The following SLC36A1 variants were observed in gnomAD, a reference collection of about 807,000 sequenced individuals.
The protein encoded by SLC36A1 is proton-coupled amino acid transporter 1.
SLC36A1 carries 30 observed loss-of-function variants against 47.5 expected under a neutral mutation model. The ratio of observed to expected loss-of-function variants is 0.63; its 90% CI spans 0.47 to 0.86. SLC36A1 has a LOEUF of 0.86. Among genes scored for constraint, SLC36A1 ranks in the 40% least tolerant of loss-of-function variants. SLC36A1 has a pLI of 0.00. For synonymous variants in SLC36A1, 255 were observed against 249.7 expected (o/e 1.02, Z -0.20); for missense variants, 517 against 606.0 (o/e 0.85, Z 1.54).
chr5:151,509,069 C>T, the SLC36A1 span, among the ~76,000 whole-genome samples: 2 of 152,178 alleles, frequency 1.3e-5, no homozygotes, highest in African/African-American at 4.8e-5. Flanking sequence ...GCAACTGCCA[C>T]AGCCCCACAC....
chr5:151,406,495 C>G, the SLC36A1 span: 1 of 152,222 alleles, frequency 6.6e-6, no homozygotes, highest in African/African-American at 2.4e-5. Flanking sequence ...AGACAGTTGT[C>G]CCAAAGAACA....
At chr5:151,400,678 T>C in the SLC36A1 span, among the ~76,000 whole-genome samples, 1 of 151,874 alleles carries the variant, frequency 6.6e-6, no homozygotes, top group Non-Finnish European at 1.5e-5. Flanking sequence ...GTTTTTTGTT[T>C]TGTTTTGTTT....
At chr5:151,552,529 A>G in the SLC36A1 span, among the ~76,000 whole-genome samples, 9 of 152,300 alleles carry the variant, frequency 5.9e-5, no homozygotes, top group African/African-American at 2.2e-4. Context: ...ATGGGTTTCA[A>G]AGGGCCTATA....
At chr5:151,360,096 A>T in the SLC36A1 span, among the ~76,000 whole-genome samples, 1 of 152,138 alleles carries the variant, frequency 6.6e-6, no homozygotes, top group Non-Finnish European at 1.5e-5. Context: ...TCTTTTTAAA[A>T]TTTTATTTTT....
upstream of SLC36A1, among the ~76,000 whole-genome samples, chr5:151,445,004 G>A (rs562962576): frequency 6.6e-6 from 1 of 152,118 alleles, no homozygotes; most frequent in South Asian, 2.1e-4. Flanking sequence ...AGTGGTGAGG[G>A]TGGGTATCCT....
the SLC36A1 span, chr5:151,387,033 A>C: frequency 6.6e-6 from 1 of 152,378 alleles, no homozygotes; most frequent in Non-Finnish European, 1.5e-5. Context: ...AGGGACAGAA[A>C]AGAAGCAAAT....
At chr5:151,553,728 A>T in the SLC36A1 span, among the ~76,000 whole-genome samples, 1 of 152,192 alleles carries the variant, frequency 6.6e-6, no homozygotes, top group African/African-American at 2.4e-5. Context: ...CATAAACCTA[A>T]CAAGCTAGAA....
chr5:151,420,083 G>A, the SLC36A1 span: 7 of 152,354 alleles, frequency 4.6e-5, no homozygotes, highest in Admixed American at 2.0e-4. Context: ...ATGGAAAGAT[G>A]TATAGTAGGA....
At chr5:151,348,828 T>C in the SLC36A1 span, among the ~76,000 whole-genome samples, 1 of 151,940 alleles carries the variant, frequency 6.6e-6, no homozygotes, top group Non-Finnish European at 1.5e-5. Context: ...GCTAGCCAGG[T>C]TTTTTTTGGT....
the SLC36A1 span, among the ~76,000 whole-genome samples, chr5:151,520,510 G>A: frequency 1.2e-4 from 18 of 152,174 alleles, no homozygotes; most frequent in African/African-American, 2.4e-4. Context: ...AGAGTGTGGC[G>A]TACAGCAGGC....
the SLC36A1 span, among the ~76,000 whole-genome samples, chr5:151,424,064 A>G: frequency 1.3e-5 from 2 of 152,252 alleles, no homozygotes. Context: ...GTACAAATGT[A>G]CAAGTCGCCT....
chr5:151,466,468 T>C (rs1328526527), intron 5 of SLC36A1, among the ~76,000 whole-genome samples: 1 of 152,222 alleles, frequency 6.6e-6, no homozygotes, highest in Non-Finnish European at 1.5e-5. Context: ...ACATAGAGAT[T>C]TAACACATTC....
At chr5:151,456,604 C>T (rs975369043) in intron 1 of SLC36A1, among the ~76,000 whole-genome samples, 10 of 151,986 alleles carry the variant, frequency 6.6e-5, no homozygotes, top group Admixed American at 1.3e-4. Context: ...AGCTGGTTGG[C>T]GTCCTTGAAT....
downstream of SLC36A1, among the ~76,000 whole-genome samples, chr5:151,493,100 A>C (rs1760235711): frequency 6.6e-6 from 1 of 152,260 alleles, no homozygotes; most frequent in Middle Eastern, 3.4e-3. Context: ...ATTTTCTTGA[A>C]ATGTGGAGAT....
At chr5:151,531,381 T>C in the SLC36A1 span, among the ~76,000 whole-genome samples, 7,442 of 151,784 alleles carry the variant, frequency 0.049, 260 homozygotes, top group African/African-American at 0.1. This position sits in a 1 kb window ranked among gnomAD's most constrained non-coding sequence, Gnocchi z 5.7. Context: ...GAGGGTCCCG[T>C]TTAAGGGAGG....
the SLC36A1 span, among the ~76,000 whole-genome samples, chr5:151,517,302 G>A: frequency 6.6e-6 from 1 of 152,146 alleles, no homozygotes; most frequent in African/African-American, 2.4e-5. Context: ...CCCATCCCTG[G>A]GAAACACTGG....
chr5:151,513,694 T>C, the SLC36A1 span, among the ~76,000 whole-genome samples: 109,888 of 151,970 alleles, frequency 0.72, 40,126 homozygotes, highest in East Asian at 0.96. Context: ...TCCCCTATGA[T>C]ACATCGGTTA....
chr5:151,403,339 C>T, the SLC36A1 span, among the ~76,000 whole-genome samples: 1 of 152,140 alleles, frequency 6.6e-6, no homozygotes, highest in Non-Finnish European at 1.5e-5. Flanking sequence ...GAATGTGGGG[C>T]CTGGTGGGGG....
chr5:151,457,844 T>C (rs928110659), intron 1 of SLC36A1, among the ~76,000 whole-genome samples: 2 of 122,132 alleles, frequency 1.6e-5, no homozygotes, highest in Non-Finnish European at 3.4e-5. Context: ...TTTTTTTTTG[T>C]TGTTTGTTTG....
Sources: allele counts gnomAD v4.1 joint callset (sites outside exome capture counted in the v4.1 genomes callset), GRCh38; gene constraint gnomAD v4.1.1; non-coding constraint Gnocchi (gnomAD v3.1); transcripts MANE v1.5; gene names NCBI Gene and HGNC (gene_info 2026-07-23, HGNC 2026-07-21).